CACNA1S: variants seen among roughly 807,000 people sequenced by gnomAD.
The protein encoded by CACNA1S is calcium voltage-gated channel subunit alpha1 S.
CACNA1S carries 126 observed loss-of-function variants against 207.4 expected under a neutral mutation model. The observed-to-expected ratio is 0.61, with a 90% CI of 0.53 to 0.70. The LOEUF (loss-of-function observed/expected upper bound fraction) is 0.70. Among genes scored for constraint, CACNA1S ranks in the 30% least tolerant of loss-of-function variants. The probability of loss-of-function intolerance (pLI) is 0.00; values close to 1 mark genes in which losing one functional copy is unlikely to be tolerated. For missense variants in CACNA1S, 2,349 were observed against 2,422.8 expected (o/e 0.97, Z 0.64); for synonymous variants, 960 against 932.7 (o/e 1.03, Z -0.53).
In CACNA1S at chr1:201,094,067, T is replaced by G. The variant is rs372365835; in HGVS notation, c.259-46A>C. The G allele has an allele frequency of 3.0e-4, 482 of 1,611,496 alleles. 2 individuals carry two copies. Among genetic ancestry groups the G allele is most frequent in the Non-Finnish European group, 3.8e-4 (447 of 1,178,016 alleles). Reference sequence around the variant, plus strand: ...ACAGCATGCCTCTGTGCTCTCTGAGTGCACCCTTGCTCTCTTCCCTGCAGC... The same window carrying G: ...ACAGCATGCCTCTGTGCTCTCTGAGGGCACCCTTGCTCTCTTCCCTGCAGC... On this transcript the variant is annotated intron_variant, in intron 2 of 43. Coordinates refer to ENST00000362061, the MANE Select transcript of CACNA1S (RefSeq NM_000069.3).
chr1:201,069,589 C>T lies in CACNA1S; in HGVS notation c.2373G>A (p.Leu791=). The T allele has an allele frequency of 1.3e-6, 2 of 1,556,694 alleles. No homozygotes were observed. The highest frequency in any genetic ancestry group is 1.7e-6 in the Non-Finnish European group (2 of 1,149,228). The change falls in exon 18 of 44, where the codon CTG becomes CTA. Residue 791 remains leucine, a synonymous_variant. Coordinates refer to ENST00000362061, the MANE Select transcript of CACNA1S (RefSeq NM_000069.3). ...IFSPTNKIRV[L]CHRIVNATWF... Reference sequence around the variant, plus strand: ...AGGTGGCATTGACGATGCGGTGACACAGGACACGGATCCTGGTGGGGCGAG... The same window carrying T: ...AGGTGGCATTGACGATGCGGTGACATAGGACACGGATCCTGGTGGGGCGAG...
intron 2 of CACNA1S, among the ~76,000 whole-genome samples, chr1:201,106,696 C>A (rs926757732): frequency 6.6e-6 from 1 of 152,148 alleles, no homozygotes; most frequent in Non-Finnish European, 1.5e-5. Context: ...CCTAATCTTC[C>A]CCCTCCACCC....
Position 201,083,151 on chromosome 1 carries a change from T to A in CACNA1S, c.1393+11A>T, listed in dbSNP as rs753604199. 89 of 1,613,440 alleles carry A rather than the reference T, an allele frequency of 5.5e-5. No individual in the cohort carries two copies. In the Admixed American group the frequency reaches 1.5e-3, roughly 27 times the overall value. On this transcript the variant is annotated intron_variant, in intron 10 of 43. Coordinates refer to ENST00000362061, the MANE Select transcript of CACNA1S (RefSeq NM_000069.3). ...GTGCCCTCCTCCCGGCTTCACTCCG[T>A]TCCGCCTCACCTTGCAAACGGGTCA...
In CACNA1S at chr1:201,075,641, C is replaced by T. The variant is rs777154330; in HGVS notation, c.1828-26G>A. The T allele has an allele frequency of 4.3e-5, 69 of 1,613,072 alleles. No individual in the cohort carries two copies. The Admixed American group carries it at 5.8e-4, about 14-fold the overall frequency. On this transcript the variant is annotated intron_variant, in intron 12 of 43. Coordinates refer to ENST00000362061, the MANE Select transcript of CACNA1S (RefSeq NM_000069.3). ...CTGTATGGAGGGAGGATAGAGGGCT[C>T]GGGAACACAGAGGGGCCTGAGAGTC... is the stretch of plus-strand genomic sequence containing the variant.
intron 23 of CACNA1S, 63 bp downstream of exon 23, chr1:201,062,399 C>A: frequency 6.6e-7 from 1 of 1,512,866 alleles, no homozygotes; most frequent in Non-Finnish European, 9.2e-7. Flanking sequence ...CTCCCTGCCC[C>A]GTGACTGTCC....
intron 9 of CACNA1S, among the ~76,000 whole-genome samples, chr1:201,084,516 C>T (rs1226842792): frequency 2.0e-5 from 3 of 152,200 alleles, no homozygotes; most frequent in Non-Finnish European, 4.4e-5. Flanking sequence ...AAGACAATGG[C>T]GAGAGAGCGT....
At position 201,072,864 on chromosome 1, in the gene CACNA1S, A is replaced by C. The variant is rs375969045; in HGVS notation, c.2158-40T>G. On this transcript the variant is annotated intron_variant, in intron 15 of 43. Transcript: ENST00000362061. ...ACAATGACTATAACAATGAAAAAGAAGTTGCGGTTTCCCCTCAATGAGCAT... is the reference window on the plus strand; with the variant it reads ...ACAATGACTATAACAATGAAAAAGACGTTGCGGTTTCCCCTCAATGAGCAT... The C allele has an allele frequency of 1.1e-5, 17 of 1,546,384 alleles. No individual in the cohort carries two copies. In the African/African-American group the frequency reaches 2.0e-4, roughly 19 times the overall value.
intron 38 of CACNA1S, among the ~76,000 whole-genome samples, chr1:201,046,072 C>G (rs971644371): frequency 6.6e-6 from 1 of 152,048 alleles, no homozygotes; most frequent in African/African-American, 2.4e-5. Context: ...ATGTGCATTA[C>G]AGTGAACCCA....
chr1:201,068,745 G>A (rs543518641), intron 19 of CACNA1S, among the ~76,000 whole-genome samples: 15 of 151,980 alleles, frequency 9.9e-5, no homozygotes, highest in Middle Eastern at 3.2e-3. Context: ...GGTGGCAGAC[G>A]CCTGTAATCC....
At chr1:201,061,243 A>G (rs1345006922) in intron 25 of CACNA1S, 24 bp downstream of exon 25, 11 of 1,608,214 alleles carry the variant, frequency 6.8e-6, no homozygotes, top group Non-Finnish European at 9.4e-6. Context: ...TCTGCCCTCC[A>G]CCTCTGGCAG....
intron 15 of CACNA1S, among the ~76,000 whole-genome samples, chr1:201,073,267 G>A (rs990568403): frequency 6.6e-6 from 1 of 152,200 alleles, no homozygotes. Flanking sequence ...TGGAACAGCG[G>A]GTGTCAGGGA....
Position 201,110,135 on chromosome 1 carries a change from A to G in CACNA1S, c.258+29T>C, listed in dbSNP as rs1663041296. Reference sequence around the variant, plus strand: ...CCCAAGCCTGGGGCTGCAGGCTCGCAGGAAGGGAGATGGAAGGGCCAATCT... The same window carrying G: ...CCCAAGCCTGGGGCTGCAGGCTCGCGGGAAGGGAGATGGAAGGGCCAATCT... On this transcript the variant is annotated intron_variant, in intron 2 of 43. Transcript: ENST00000362061. 3.8e-6 allele frequency: 6 copies of G among 1,595,672 alleles called. No homozygotes were observed. In the South Asian group the frequency reaches 6.6e-5, roughly 18 times the overall value.
intron 12 of CACNA1S, 140 bp downstream of exon 12, chr1:201,076,780 A>G: frequency 1.3e-6 from 1 of 793,470 alleles, no homozygotes; most frequent in Middle Eastern, 3.3e-4. Context: ...GTGATAGGGG[A>G]GCCCAGAGAA....
At position 201,053,591 on chromosome 1, in the gene CACNA1S, C is replaced by A. The variant is rs762497596; in HGVS notation, c.3667-4G>T. 6.4e-7 allele frequency: 1 copy of A among 1,566,122 alleles called. No individual in the cohort carries two copies. Among genetic ancestry groups the A allele is most frequent in the Non-Finnish European group, 8.7e-7 (1 of 1,151,468 alleles). ...TGCGGGCACTCTCATCTGGGTCCTG[C>A]GGGGCAGCAGCCCCAGAGGTCAGTC... On this transcript the variant is annotated splice_region_variant and splice_polypyrimidine_tract_variant and intron_variant, in intron 29 of 43. Coordinates refer to ENST00000362061, the MANE Select transcript of CACNA1S (RefSeq NM_000069.3). This position sits in a 1 kb window ranked among gnomAD's most constrained non-coding sequence, Gnocchi z 5.1.
intron 33 of CACNA1S, 45 bp downstream of exon 33, chr1:201,050,939 C>T (rs754145133): frequency 1.0e-5 from 16 of 1,606,130 alleles, no homozygotes; most frequent in Admixed American, 3.3e-5. Flanking sequence ...CATGCCTCAG[C>T]TTATCAAAGC....
chr1:201,041,935 T>C (rs901282599), intron 40 of CACNA1S: 1 of 384,734 alleles, frequency 2.6e-6, no homozygotes, highest in Non-Finnish European at 5.0e-6. Context: ...AGCTCAAAGG[T>C]GAGTGGTGGC....
chr1:201,042,559 A>G (rs1660296688), intron 40 of CACNA1S, among the ~76,000 whole-genome samples: 1 of 152,190 alleles, frequency 6.6e-6, no homozygotes, highest in African/African-American at 2.4e-5. Context: ...CACCATGGTG[A>G]CCCAAAAAGG....
chr1:201,094,851 G>A (rs1380757652), intron 2 of CACNA1S, among the ~76,000 whole-genome samples: 11 of 152,052 alleles, frequency 7.2e-5, no homozygotes, highest in Admixed American at 5.9e-4. Context: ...ACCTGTCCCC[G>A]TAGCCTGATC....
intron 37 of CACNA1S, 102 bp from the exon 38 acceptor site, chr1:201,047,341 C>A (rs1572023180): frequency 6.6e-7 from 1 of 1,512,948 alleles, no homozygotes; most frequent in East Asian, 2.3e-5. Context: ...TGCAAGCAAT[C>A]CTTTGTCTTG....
Sources: gnomAD v4.1 joint callset for allele counts (sites outside exome capture counted in the v4.1 genomes callset) on GRCh38, gnomAD v4.1.1 for gene constraint, Gnocchi (gnomAD v3.1) non-coding constraint, MANE v1.5 for transcripts, NCBI Gene and HGNC (gene_info 2026-07-23, HGNC 2026-07-21) for gene names.